RSL1D1: variants seen among roughly 807,000 people sequenced by gnomAD.
RSL1D1 encodes the protein ribosomal L1 domain-containing protein 1.
Under a neutral mutation model 44.6 loss-of-function variants are expected in RSL1D1, and 34 were observed. The observed-to-expected ratio is 0.76, with a 90% CI of 0.58 to 1.02. RSL1D1 has a LOEUF of 1.02. RSL1D1 is among the 50% of genes least tolerant of loss of function. The probability of loss-of-function intolerance (pLI) is 0.00; values close to 1 mark genes in which losing one functional copy is unlikely to be tolerated. For missense variants in RSL1D1, 767 were observed against 568.1 expected, an observed-to-expected ratio of 1.35 and a Z score of -3.56; for synonymous variants, 271 against 207.4, an observed-to-expected ratio of 1.31 and a Z score of -2.63.
rs983446699 is a variant in RSL1D1, at chr16:11,836,770, A to T, written c.*1017T>A. On this transcript the variant is annotated 3_prime_UTR_variant, in exon 9 of 9. Transcript: ENST00000571133. Reference sequence around the variant, plus strand: ...ACCAACAAGCTCAGCATGAAAGCCAAGAAACTTCTGTTTCTCCTAAATTCC... The same window carrying T: ...ACCAACAAGCTCAGCATGAAAGCCATGAAACTTCTGTTTCTCCTAAATTCC... 9 of 152,226 alleles carry T rather than the reference A, an allele frequency of 5.9e-5. No individual in the cohort carries two copies. Among genetic ancestry groups the T allele is most frequent in the African/African-American group, 2.2e-4 (9 of 41,464 alleles). 9.4% of individuals were successfully genotyped at this position (152,226 alleles called of 1,614,324 possible).
Position 11,839,999 on chromosome 16 carries a change from C to T in RSL1D1, c.856-14G>A. On this transcript the variant is annotated splice_polypyrimidine_tract_variant and intron_variant, in intron 7 of 8. Coordinates refer to ENST00000571133, the MANE Select transcript of RSL1D1 (RefSeq NM_015659.3). Reference sequence around the variant, plus strand: ...TCTCCTTGCCTCCTACCAAAAAACACCATACAAACATTTTAGCAGGAACAG... The same window carrying T: ...TCTCCTTGCCTCCTACCAAAAAACATCATACAAACATTTTAGCAGGAACAG... The T allele has an allele frequency of 6.2e-7, 1 of 1,608,558 alleles. No homozygotes were observed.
chr16:11,849,028 C>T (rs2053817773), intron 2 of RSL1D1, among the ~76,000 whole-genome samples: 1 of 152,026 alleles, frequency 6.6e-6, no homozygotes, highest in South Asian at 2.1e-4. Flanking sequence ...GATCCACCCA[C>T]CTCACCTCCC....
Position 11,837,788 on chromosome 16 carries a change from T to C in RSL1D1, c.1472A>G (p.Ter491=). Reference sequence around the variant, plus strand: ...TTCCTTCCAGTTGAATCACTGACTTTAGGTCGACTGGGGTACTTTGGGTTT... The same window carrying C: ...TTCCTTCCAGTTGAATCACTGACTTCAGGTCGACTGGGGTACTTTGGGTTT... ...PKKPKVPQST[*] is the part of the protein sequence containing the mutation. The change falls in exon 9 of 9, where the codon TAA becomes TGA. Residue 491 remains the stop codon, a stop_retained_variant. Coordinates refer to ENST00000571133, the MANE Select transcript of RSL1D1 (RefSeq NM_015659.3). 6.2e-7 allele frequency: 1 copy of C among 1,602,550 alleles called. No individual in the cohort carries two copies. Among genetic ancestry groups the C allele is most frequent in the Non-Finnish European group, 8.5e-7 (1 of 1,174,834 alleles).
At chr16:11,841,594 A>G in intron 7 of RSL1D1, 101 bp downstream of exon 7, 1 of 1,086,518 alleles carries the variant, frequency 9.2e-7, no homozygotes, top group Non-Finnish European at 1.3e-6. Context: ...AAACCAGAAG[A>G]TAACTGAAAA....
In RSL1D1 at chr16:11,850,358, A is replaced by G. The variant is rs866009723; in HGVS notation, c.166T>C (p.Leu56=). The G allele has an allele frequency of 1.2e-6, 2 of 1,600,832 alleles. No homozygotes were observed. Among genetic ancestry groups the G allele is most frequent in the Admixed American group, 1.8e-5 (1 of 55,510 alleles). The change falls in exon 2 of 9, where the codon TTG becomes CTG. Residue 56 remains leucine (L), a synonymous_variant. Coordinates refer to ENST00000571133, the MANE Select transcript of RSL1D1 (RefSeq NM_015659.3). ...HCKSRKNNYG[L]LLNENESLFL... is the part of the protein sequence containing the mutation. ...AAACTTTCATTCTCATTCAAAAGCA[A>G]CCCATAATTGTTTTTCCTGGACTTG...
chr16:11,850,558 G>T, intron 1 of RSL1D1, 140 bp from the exon 2 acceptor site: 1 of 783,660 alleles, frequency 1.3e-6, no homozygotes, highest in South Asian at 1.7e-5. Flanking sequence ...ATTTCAAGGG[G>T]TAACCTCCAT....
intron 5 of RSL1D1, among the ~76,000 whole-genome samples, chr16:11,845,504 G>C (rs956242929): frequency 5.3e-5 from 8 of 152,138 alleles, no homozygotes; most frequent in African/African-American, 1.9e-4. Flanking sequence ...GCTTTTCTTA[G>C]TATCTGGAGC....
intron 5 of RSL1D1, among the ~76,000 whole-genome samples, chr16:11,842,922 ATTTT>A (rs34129214): frequency 1.9e-5 from 2 of 106,764 alleles, no homozygotes; most frequent in Non-Finnish European, 3.7e-5. Flanking sequence ...CGCCCAGCTA[ATTTT>A]TTTTTTTTTT....
chr16:11,841,706 T>C lies in RSL1D1; in HGVS notation c.844A>G (p.Lys282Glu), dbSNP rs1373434975. The C allele has an allele frequency of 1.2e-6, 2 of 1,611,664 alleles. No individual in the cohort carries two copies. The highest frequency in any genetic ancestry group is 1.7e-5 in the Admixed American group (1 of 59,400). The change falls in exon 7 of 9, where the codon AAG becomes GAG. Residue 282 changes from lysine (K) to glutamate (E), a missense_variant. Lys to Glu is a moderately conservative substitution (Grantham distance 56). Transcript: ENST00000571133. ...DEATKRSLLN[K>E]KKKEARRKRR... ...AAAATTCTACTAACTTTTTTCTTCT[T>C]ATTAAGCAAAGATCTTTTGGTGGCT... is the stretch of plus-strand genomic sequence containing the variant.
At chr16:11,846,475 G>A (rs765416190) in intron 5 of RSL1D1, 26 bp downstream of exon 5, 1 of 1,062,492 alleles carries the variant, frequency 9.4e-7, no homozygotes. Context: ...GATTAAAAGA[G>A]GCACACATGA....
At position 11,834,186 on chromosome 16, in the gene RSL1D1, AATGTACCC is replaced by A. The variant is rs1417781058; in HGVS notation, c.*3593_*3600del. On this transcript the variant is annotated 3_prime_UTR_variant, in exon 9 of 9. Coordinates refer to ENST00000571133, the MANE Select transcript of RSL1D1 (RefSeq NM_015659.3). Reference sequence around the variant, plus strand: ...CTGAAGCCTTGGAAACATAGTACAGAATGTACCCATTTTAGGATGATTCAACTTTATGA... The same window carrying A: ...CTGAAGCCTTGGAAACATAGTACAGAATTTTAGGATGATTCAACTTTATGA... The A allele has an allele frequency of 2.6e-5, 4 of 152,168 alleles. No homozygotes were observed. The highest frequency in any genetic ancestry group is 5.9e-5 in the Non-Finnish European group (4 of 68,036). The allele number at this position is 152,168 out of a possible 1,614,324, so 9.4% of individuals were successfully genotyped here. A position where few individuals can be genotyped will look rare whatever the true frequency, so the allele number is the denominator to read the frequency against.
intron 2 of RSL1D1, among the ~76,000 whole-genome samples, chr16:11,849,687 A>T (rs2053823553): frequency 6.6e-6 from 1 of 152,146 alleles, no homozygotes; most frequent in Non-Finnish European, 1.5e-5. Flanking sequence ...TAAAAAAATA[A>T]AATAAAATAA....
At chr16:11,848,788 C>T (rs1162878752) in intron 2 of RSL1D1, among the ~76,000 whole-genome samples, 1 of 150,002 alleles carries the variant, frequency 6.7e-6, no homozygotes, top group South Asian at 2.1e-4. Flanking sequence ...CCACCACACT[C>T]AGCCAACATA....
intron 8 of RSL1D1, among the ~76,000 whole-genome samples, chr16:11,839,152 G>A (rs1429459657): frequency 6.6e-6 from 1 of 151,344 alleles, no homozygotes; most frequent in Non-Finnish European, 1.5e-5. Context: ...GATCACCTGA[G>A]GCCAGGAGTT....
At chr16:11,850,207 T>C (rs1269250960) in intron 2 of RSL1D1, 72 bp downstream of exon 2, 4 of 1,396,308 alleles carry the variant, frequency 2.9e-6, no homozygotes, top group Admixed American at 2.6e-5. Flanking sequence ...TTAGTAACCA[T>C]GATGCAATTG....
At chr16:11,851,380 C>CA (rs1176214533) in intron 1 of RSL1D1, 28 bp downstream of exon 1, 1 of 1,608,240 alleles carries the variant, frequency 6.2e-7, no homozygotes, top group Non-Finnish European at 8.5e-7. Context: ...ACACTGCTTC[C>CA]AAGCCACCCT....
Position 11,839,698 on chromosome 16 carries a change from T to C in RSL1D1, c.1143A>G (p.Val381=), listed in dbSNP as rs773702346. The C allele has an allele frequency of 1.9e-6, 3 of 1,613,730 alleles. No homozygotes were observed. In the South Asian group the frequency reaches 3.3e-5, roughly 18 times the overall value. ...ACAGTAAATATTAAAACAATACCTC[T>C]ACTTTTTCATTAGCTGGAGTCTTCT... ...IGKKTPANEK[V]EIQKHATGKK... is the part of the protein sequence containing the mutation. Residue 381 remains valine, a synonymous_variant, in exon 8 of 9, where the codon GTA becomes GTG. Transcript: ENST00000571133.
chr16:11,834,930 G>A lies in RSL1D1; in HGVS notation c.*2857C>T, dbSNP rs2053706152. 6.6e-6 allele frequency: 1 copy of A among 152,150 alleles called. No individual in the cohort carries two copies. Among genetic ancestry groups the A allele is most frequent in the African/African-American group, 2.4e-5 (1 of 41,430 alleles). The allele number at this position is 152,150 out of a possible 1,614,324, so 9.4% of individuals were successfully genotyped here. ...GTTCGAGCCCAGCCTAGGGAACACA[G>A]GGAAAACCCATCTCTACGCAAGACG... On this transcript the variant is annotated 3_prime_UTR_variant, in exon 9 of 9. Transcript: ENST00000571133.
intron 5 of RSL1D1, among the ~76,000 whole-genome samples, chr16:11,845,207 C>G (rs1287952589): frequency 6.6e-6 from 1 of 152,142 alleles, no homozygotes; most frequent in Non-Finnish European, 1.5e-5. Flanking sequence ...AATCTCAACA[C>G]TTTTGGAGGC....
Sources: gnomAD v4.1 joint callset for allele counts (sites outside exome capture counted in the v4.1 genomes callset) on GRCh38, gnomAD v4.1.1 for gene constraint, MANE v1.5 for transcripts, NCBI Gene and HGNC (gene_info 2026-07-23, HGNC 2026-07-21) for gene names.